FIGN: variants seen among roughly 807,000 people sequenced by gnomAD.
The protein encoded by FIGN is fidgetin, microtubule severing factor.
In FIGN, 11 loss-of-function variants were observed where a neutral mutation model predicts 51.3. The ratio of observed to expected loss-of-function variants is 0.21; its 90% CI spans 0.13 to 0.35. The LOEUF is 0.35. Ranked by LOEUF, FIGN falls within the 10% of genes least tolerant of loss-of-function variation. The probability of loss-of-function intolerance (pLI) is 1.00; values close to 1 mark genes in which losing one functional copy is unlikely to be tolerated. For missense variants in FIGN, 857 were observed against 943.6 expected, an observed-to-expected ratio of 0.91 and a Z score of 1.20; for synonymous variants, 407 against 363.2, an observed-to-expected ratio of 1.12 and a Z score of -1.37.
intron 2 of FIGN, among the ~76,000 whole-genome samples, chr2:163,724,706 C>G (rs1684813456): frequency 6.6e-6 from 1 of 152,122 alleles, no homozygotes; most frequent in Non-Finnish European, 1.5e-5. Context: ...ATACCTCCAT[C>G]TTCAATGGAT....
rs1691111857 is a variant in FIGN, at chr2:163,606,346, T to C, written c.*3206A>G. Reference sequence around the variant, plus strand: ...CTTGAATTTCTATTGATCCCAATACTGAAGTGGTTTCCTTCACTTCCTTTT... The same window carrying C: ...CTTGAATTTCTATTGATCCCAATACCGAAGTGGTTTCCTTCACTTCCTTTT... On this transcript the variant is annotated 3_prime_UTR_variant, in exon 3 of 3. Coordinates refer to ENST00000333129, the MANE Select transcript of FIGN (RefSeq NM_018086.4). 1 of 152,200 alleles carries C rather than the reference T, an allele frequency of 6.6e-6. No individual in the cohort carries two copies. Among genetic ancestry groups the C allele is most frequent in the Admixed American group, 6.6e-5 (1 of 15,254 alleles). The allele number at this position is 152,200 out of a possible 1,614,324, so 9.4% of individuals were successfully genotyped here.
At chr2:163,638,625 C>G (rs1683261929) in intron 2 of FIGN, among the ~76,000 whole-genome samples, 1 of 152,146 alleles carries the variant, frequency 6.6e-6, no homozygotes, top group Admixed American at 6.5e-5. Flanking sequence ...GGAAGATGAA[C>G]ATTTCAGTTA....
chr2:163,636,192 CT>C (rs1250136164), intron 2 of FIGN, among the ~76,000 whole-genome samples: 1 of 152,162 alleles, frequency 6.6e-6, no homozygotes, highest in Non-Finnish European at 1.5e-5. Flanking sequence ...TAGATTTTCT[CT>C]TTTGTGTAAG....
intron 2 of FIGN, among the ~76,000 whole-genome samples, chr2:163,622,937 A>G (rs1455608503): frequency 6.6e-6 from 1 of 152,208 alleles, no homozygotes; most frequent in Non-Finnish European, 1.5e-5. Context: ...ACTTGTTTAT[A>G]TTAAAAGAGT....
Position 163,609,505 on chromosome 2 carries a change from T to G in FIGN, c.*47A>C. The G allele has an allele frequency of 6.6e-7, 1 of 1,521,038 alleles. No homozygotes were observed. Among genetic ancestry groups the G allele is most frequent in the African/African-American group, 1.4e-5 (1 of 72,862 alleles). The allele number at this position is 1,521,038 out of a possible 1,614,324, so 94.2% of individuals were successfully genotyped here. ...TCTATTCCCTATGTAGCAGGTTTTA[T>G]GTGTGTGTGCCAACATTCATTACAT... On this transcript the variant is annotated 3_prime_UTR_variant, in exon 3 of 3. Coordinates refer to ENST00000333129, the MANE Select transcript of FIGN (RefSeq NM_018086.4).
At position 163,632,749 on chromosome 2, in the gene FIGN, A is replaced by C. The variant is rs747803029; in HGVS notation, c.26-20943T>G. 1.8e-4 allele frequency among the ~76,000 whole-genome samples: 27 copies of C among 152,226 alleles called. 1 individual carries two copies. The highest frequency in any genetic ancestry group is 3.2e-4 in the Non-Finnish European group (22 of 68,048). On this transcript the variant is annotated intron_variant, in intron 2 of 2. Transcript: ENST00000333129. ...TTTGGTGTTCTAGGAGAAAGAACTA[A>C]AGAGAAATAATGAGAAGTTACAGGC...
chr2:163,666,677 A>G (rs886897388), intron 2 of FIGN, among the ~76,000 whole-genome samples: 2 of 152,086 alleles, frequency 1.3e-5, no homozygotes, highest in Non-Finnish European at 2.9e-5. Context: ...ACCCAGTGGA[A>G]CCCAAGAACC....
chr2:163,681,594 G>A (rs1461979410), intron 2 of FIGN, among the ~76,000 whole-genome samples: 3 of 152,086 alleles, frequency 2.0e-5, no homozygotes, highest in African/African-American at 7.2e-5. Context: ...ACAAGGCAAA[G>A]GAACACATGA....
chr2:163,681,927 C>T, intron 2 of FIGN, among the ~76,000 whole-genome samples: 1 of 152,160 alleles, frequency 6.6e-6, no homozygotes, highest in Non-Finnish European at 1.5e-5. Context: ...GGAAATGTGG[C>T]TTCGAATAAG....
At chr2:163,615,101 C>G (rs1167803059) in intron 2 of FIGN, among the ~76,000 whole-genome samples, 3 of 152,132 alleles carry the variant, frequency 2.0e-5, no homozygotes, top group Non-Finnish European at 4.4e-5. Context: ...TTACTGGATA[C>G]ACCATTGCCT....
At chr2:163,709,134 A>T (rs1173354713) in intron 2 of FIGN, among the ~76,000 whole-genome samples, 2 of 152,116 alleles carry the variant, frequency 1.3e-5, no homozygotes, top group African/African-American at 2.4e-5. Flanking sequence ...CGTGCATCAC[A>T]TAACTTTGAC....
At chr2:163,627,413 C>T (rs1247214671) in intron 2 of FIGN, among the ~76,000 whole-genome samples, 2 of 152,050 alleles carry the variant, frequency 1.3e-5, no homozygotes, top group Non-Finnish European at 2.9e-5. Flanking sequence ...GTGCAGAGAA[C>T]AAACAATGCA....
At chr2:163,642,491 C>G (rs1683319701) in intron 2 of FIGN, among the ~76,000 whole-genome samples, 1 of 152,172 alleles carries the variant, frequency 6.6e-6, no homozygotes, top group Non-Finnish European at 1.5e-5. Context: ...TGCTAAGAAA[C>G]TTACTCAAGG....
At chr2:163,621,985 TA>T (rs377636330) in intron 2 of FIGN, among the ~76,000 whole-genome samples, 1 of 151,888 alleles carries the variant, frequency 6.6e-6, no homozygotes, top group Non-Finnish European at 1.5e-5. Flanking sequence ...GCCATTATGT[TA>T]AAAAAAAGTT....
chr2:163,681,914 C>T (rs566366670), intron 2 of FIGN, among the ~76,000 whole-genome samples: 2 of 152,142 alleles, frequency 1.3e-5, no homozygotes, highest in Admixed American at 1.3e-4. Context: ...ACTAGTCCAG[C>T]CAGGAAATGT....
At chr2:163,704,679 C>G (rs1426595744) in intron 2 of FIGN, among the ~76,000 whole-genome samples, 1 of 150,922 alleles carries the variant, frequency 6.6e-6, no homozygotes, top group Non-Finnish European at 1.5e-5. Flanking sequence ...CACACACACA[C>G]ACACACACAC....
chr2:163,625,691 T>C (rs1683044527), intron 2 of FIGN, among the ~76,000 whole-genome samples: 2 of 152,190 alleles, frequency 1.3e-5, no homozygotes, highest in South Asian at 4.1e-4. Flanking sequence ...TTGAGGCATA[T>C]ATATATAATG....
chr2:163,626,056 T>G (rs1196656980), intron 2 of FIGN, among the ~76,000 whole-genome samples: 1 of 152,174 alleles, frequency 6.6e-6, no homozygotes, highest in Non-Finnish European at 1.5e-5. Flanking sequence ...CGACTCCTAA[T>G]TGAAGCCAAT....
chr2:163,626,799 C>T (rs1035076448), intron 2 of FIGN, among the ~76,000 whole-genome samples: 7 of 152,128 alleles, frequency 4.6e-5, no homozygotes, highest in African/African-American at 9.6e-5. Context: ...AAACAGGTTG[C>T]GGTAAAGAAG....
Sources: gnomAD v4.1 joint callset for allele counts (sites outside exome capture counted in the v4.1 genomes callset) on GRCh38, gnomAD v4.1.1 for gene constraint, MANE v1.5 for transcripts, NCBI Gene and HGNC (gene_info 2026-07-23, HGNC 2026-07-21) for gene names.